The following DTNA variants were observed in gnomAD, a reference collection of about 807,000 sequenced individuals.
The protein encoded by DTNA is dystrophin-related protein 3.
Under a neutral mutation model 100.7 loss-of-function variants are expected in DTNA, and 43 were observed. The observed-to-expected ratio is 0.43, with a 90% confidence interval of 0.33 to 0.55. The LOEUF (loss-of-function observed/expected upper bound fraction) is 0.55, where lower values mean the gene tolerates loss of function less well. DTNA is among the 20% of genes least tolerant of loss of function. The pLI is 0.04. For synonymous variants in DTNA, 349 were observed against 347.9 expected (o/e 1.00, Z -0.04); for missense variants, 798 against 953.9 (o/e 0.84, Z 2.15).
At chr18:34,887,136 G>T (rs1029833279) in intron 22 of DTNA, among the ~76,000 whole-genome samples, 1 of 152,116 alleles carries the variant, frequency 6.6e-6, no homozygotes, top group Non-Finnish European at 1.5e-5. Flanking sequence ...CTCAAAAAGA[G>T]CTTTAGGCTT....
In DTNA at chr18:34,889,886, T is replaced by C; in HGVS notation, c.*2152T>C. The C allele has an allele frequency of 1.0e-6, 1 of 1,002,056 alleles. No homozygotes were observed. Among genetic ancestry groups the C allele is most frequent in the South Asian group, 4.5e-5 (1 of 22,286 alleles). 62.1% of individuals were successfully genotyped at this position (1,002,056 alleles called of 1,614,324 possible). On this transcript the variant is annotated 3_prime_UTR_variant, in exon 23 of 23. Transcript: ENST00000444659. ...TTTTGTTGGGGTGTCTTAATGTTCA[T>C]CTCTTTTCCACTGCCCATCCTCTGT...
chr18:34,855,194 T>C (rs1287689561), intron 15 of DTNA, among the ~76,000 whole-genome samples: 1 of 152,178 alleles, frequency 6.6e-6, no homozygotes, highest in East Asian at 1.9e-4. Flanking sequence ...AATCAAAGAA[T>C]AAAATGAAAA....
intron 1 of DTNA, among the ~76,000 whole-genome samples, chr18:34,661,208 C>G (rs565202916): frequency 6.6e-6 from 1 of 152,244 alleles, no homozygotes; most frequent in South Asian, 2.1e-4. Context: ...GAGATGCTCT[C>G]CATTAATTAA....
chr18:34,834,767 A>C (rs1421067276), intron 11 of DTNA, among the ~76,000 whole-genome samples: 3 of 152,178 alleles, frequency 2.0e-5, no homozygotes, highest in African/African-American at 7.2e-5. Flanking sequence ...CAAGCCATTC[A>C]TGAGGGATCT....
chr18:34,756,663 T>G (rs759360128), intron 2 of DTNA, among the ~76,000 whole-genome samples: 6 of 152,216 alleles, frequency 3.9e-5, no homozygotes, highest in Admixed American at 1.3e-4. Context: ...CAAACTAAGT[T>G]ACTGACTCCA....
chr18:34,550,212 G>A (rs1210601735), intron 1 of DTNA, among the ~76,000 whole-genome samples: 1 of 152,082 alleles, frequency 6.6e-6, no homozygotes, highest in East Asian at 1.9e-4. Context: ...ATAAACTAGA[G>A]GGTTTTAGGA....
rs1315275286 is a variant in DTNA, at chr18:34,710,318, A to G, written c.-129A>G. The G allele has an allele frequency of 1.3e-5, 2 of 152,218 alleles. No individual in the cohort carries two copies. Among genetic ancestry groups the G allele is most frequent in the African/African-American group, 2.4e-5 (1 of 41,450 alleles). The allele number at this position is 152,218 out of a possible 1,614,324, so 9.4% of individuals were successfully genotyped here. A position where few individuals can be genotyped will look rare whatever the true frequency, so the allele number is the denominator to read the frequency against. On this transcript the variant is annotated 5_prime_UTR_variant, in exon 1 of 23. Coordinates refer to ENST00000444659, the MANE Select transcript of DTNA (RefSeq NM_001386795.1). ...AGGGGAAGAATGAACACAGCTTTTT[A>G]TTGAAGTTAAAGGTTACTTTGGAGT...
intron 3 of DTNA, among the ~76,000 whole-genome samples, chr18:34,777,692 A>T (rs2094127181): frequency 6.6e-6 from 1 of 152,166 alleles, no homozygotes; most frequent in African/African-American, 2.4e-5. Context: ...GCAAGAGAAG[A>T]ACTACCAAAC....
intron 1 of DTNA, among the ~76,000 whole-genome samples, chr18:34,658,842 G>A (rs2074764814): frequency 6.6e-6 from 1 of 152,144 alleles, no homozygotes; most frequent in Non-Finnish European, 1.5e-5. Flanking sequence ...TCAGCATCTT[G>A]GACAGTGCCC....
chr18:34,568,717 A>G (rs1470796097), intron 1 of DTNA, among the ~76,000 whole-genome samples: 1 of 152,110 alleles, frequency 6.6e-6, no homozygotes, highest in Non-Finnish European at 1.5e-5. Context: ...TCTGCCTCCC[A>G]GGTTCAAGTG....
At chr18:34,696,723 C>T (rs2080613130) in intron 1 of DTNA, among the ~76,000 whole-genome samples, 1 of 152,170 alleles carries the variant, frequency 6.6e-6, no homozygotes, top group Non-Finnish European at 1.5e-5. Flanking sequence ...ACGAGATAGA[C>T]ATTTCACTGT....
In DTNA at chr18:34,711,874, G is replaced by A. The variant is rs573413520; in HGVS notation, c.-2+1429G>A. The stretch of plus-strand genomic sequence containing the variant: ...GACAGATATCAAAAGTACTATAATA[G>A]CATCTAATATTGTAAATGTTCATGC... On this transcript the variant is annotated intron_variant, in intron 1 of 22. Transcript: ENST00000444659. 4.9e-4 allele frequency among the ~76,000 whole-genome samples: 75 copies of A among 152,128 alleles called. 1 individual carries two copies. The highest frequency in any genetic ancestry group is 9.1e-4 in the Non-Finnish European group (62 of 67,976).
chr18:34,538,066 T>G (rs1319756577), intron 1 of DTNA, among the ~76,000 whole-genome samples: 1 of 152,088 alleles, frequency 6.6e-6, no homozygotes, highest in Non-Finnish European at 1.5e-5. Context: ...TGATCTGAAT[T>G]TCTCAGTCTG....
intron 17 of DTNA, chr18:34,867,842 G>A: frequency 1.0e-6 from 1 of 985,544 alleles, no homozygotes; most frequent in Non-Finnish European, 1.2e-6. Flanking sequence ...AAGCCCCTCA[G>A]CAGCTTCTGC....
chr18:34,788,577 T>C (rs554459780), intron 3 of DTNA, among the ~76,000 whole-genome samples: 1 of 152,310 alleles, frequency 6.6e-6, no homozygotes, highest in African/African-American at 2.4e-5. Context: ...TTCTGCACTA[T>C]GCTTACACCT....
intron 1 of DTNA, among the ~76,000 whole-genome samples, chr18:34,562,341 T>G (rs1026517185): frequency 2.6e-5 from 4 of 152,192 alleles, no homozygotes; most frequent in Non-Finnish European, 5.9e-5. Context: ...ACACACAAAA[T>G]ATGGGGGATA....
chr18:34,867,872 G>A (rs539755578), intron 17 of DTNA: 256 of 985,378 alleles, frequency 2.6e-4, no homozygotes, highest in African/African-American at 9.4e-4. Context: ...GGCCAACAGC[G>A]GGTACTGCGG....
chr18:34,838,951 A>G (rs1482869340), intron 13 of DTNA, 114 bp downstream of exon 13: 1 of 826,502 alleles, frequency 1.2e-6, no homozygotes, highest in African/African-American at 1.7e-5. Flanking sequence ...ACACTGAAGC[A>G]CTGTTAACTG....
intron 16 of DTNA, among the ~76,000 whole-genome samples, chr18:34,859,095 C>T (rs995294716): frequency 6.6e-6 from 1 of 152,096 alleles, no homozygotes; most frequent in African/African-American, 2.4e-5. Context: ...ATATTCAGAT[C>T]TTTAAAAATA....
Sources: gnomAD v4.1 joint callset for allele counts (sites outside exome capture counted in the v4.1 genomes callset) on GRCh38, gnomAD v4.1.1 for gene constraint, MANE v1.5 for transcripts, NCBI Gene and HGNC (gene_info 2026-07-23, HGNC 2026-07-21) for gene names.